Variants in RAB8B observed in about 807,000 individuals in gnomAD.
The protein encoded by RAB8B is RAB8B, member RAS oncogene family.
Under a neutral mutation model 32.0 loss-of-function variants are expected in RAB8B, and 11 were observed. That is an observed-to-expected ratio of 0.34 (90% CI 0.22 to 0.57). The LOEUF (loss-of-function observed/expected upper bound fraction) is 0.57. Ranked by LOEUF, RAB8B falls within the 20% of genes least tolerant of loss-of-function variation. The probability of loss-of-function intolerance (pLI) is 0.86; values close to 1 mark genes in which losing one functional copy is unlikely to be tolerated. For synonymous variants in RAB8B, 103 were observed against 89.6 expected (o/e 1.15, Z -0.85); for missense variants, 190 against 258.5 (o/e 0.73, Z 1.82).
chr15:63,255,546 T>C lies in RAB8B; in HGVS notation c.286T>C (p.Phe96Leu). The change falls in exon 4 of 8, where the codon TTT (phenylalanine) becomes CTT (leucine). Residue 96 changes from phenylalanine (F) to leucine (L), a missense_variant. Phe to Leu is a conservative substitution (Grantham distance 22, BLOSUM62 0). Around this residue, in one of 2 missense-constraint regions of RAB8B, gnomAD observed 80 missense variants for 142.6 expected, o/e 0.56. Transcript: ENST00000321437. ...CTATGACATCACAAATGAAAAATCCTTTGACAATATTAAAAATTGGATCAG... is the reference window on the plus strand; with the variant it reads ...CTATGACATCACAAATGAAAAATCCCTTGACAATATTAAAAATTGGATCAG... ...LVYDITNEKS[F>L]DNIKNWIRNI... 1.2e-6 allele frequency: 2 copies of C among 1,607,392 alleles called. No homozygotes were observed. Among genetic ancestry groups the C allele is most frequent in the Non-Finnish European group, 1.7e-6 (2 of 1,173,884 alleles).
At chr15:63,251,779 A>C (rs926068552) in intron 3 of RAB8B, among the ~76,000 whole-genome samples, 1 of 152,146 alleles carries the variant, frequency 6.6e-6, no homozygotes, top group African/African-American at 2.4e-5. Context: ...TTAGACCTAG[A>C]CACCATCTTG....
At chr15:63,190,621 G>A (rs1670079001) in intron 1 of RAB8B, among the ~76,000 whole-genome samples, 1 of 152,184 alleles carries the variant, frequency 6.6e-6, no homozygotes, top group South Asian at 2.1e-4. Context: ...ACTAATGATG[G>A]AATAATGTCT....
chr15:63,261,152 C>T (rs2038200587), intron 6 of RAB8B, among the ~76,000 whole-genome samples: 2 of 152,010 alleles, frequency 1.3e-5, no homozygotes, highest in African/African-American at 4.8e-5. Flanking sequence ...AAATAAATGG[C>T]CAACAGGTAT....
intron 1 of RAB8B, among the ~76,000 whole-genome samples, chr15:63,230,338 G>A (rs2037925607): frequency 6.6e-6 from 1 of 152,156 alleles, no homozygotes; most frequent in Non-Finnish European, 1.5e-5. Context: ...TCTTGCTCTT[G>A]TCGCCCAGGC....
At chr15:63,258,550 C>CA (rs2038176571) in intron 5 of RAB8B, among the ~76,000 whole-genome samples, 1 of 152,132 alleles carries the variant, frequency 6.6e-6, no homozygotes, top group Non-Finnish European at 1.5e-5. Context: ...AAGAATTGGA[C>CA]AAAATGCACA....
intron 1 of RAB8B, among the ~76,000 whole-genome samples, chr15:63,199,347 T>C (rs1029769981): frequency 2.6e-5 from 4 of 152,234 alleles, no homozygotes; most frequent in African/African-American, 9.7e-5. Context: ...GATTTTTCTC[T>C]TACATTGTTT....
chr15:63,197,370 C>T (rs1004728660), intron 1 of RAB8B, among the ~76,000 whole-genome samples: 1,058 of 60,682 alleles, frequency 0.017, no homozygotes, highest in Middle Eastern at 0.044. Context: ...TCTTTCTTTT[C>T]TTTTTTTTTT....
intron 7 of RAB8B, among the ~76,000 whole-genome samples, chr15:63,263,198 C>A (rs1218100681): frequency 2.6e-5 from 4 of 152,174 alleles, no homozygotes; most frequent in Non-Finnish European, 4.4e-5. Flanking sequence ...ACAGAACTGT[C>A]TATGCCAGTA....
At chr15:63,226,977 T>G (rs545808553) in intron 1 of RAB8B, among the ~76,000 whole-genome samples, 5 of 152,308 alleles carry the variant, frequency 3.3e-5, no homozygotes, top group African/African-American at 1.2e-4. Context: ...CCATGACATT[T>G]GTAAACTGTC....
intron 1 of RAB8B, among the ~76,000 whole-genome samples, chr15:63,218,151 G>C (rs1214404983): frequency 6.6e-6 from 1 of 151,956 alleles, no homozygotes; most frequent in Non-Finnish European, 1.5e-5. Context: ...TGCACCAATG[G>C]GAGGTGAAGG....
intron 1 of RAB8B, among the ~76,000 whole-genome samples, chr15:63,230,947 C>G (rs1043552504): frequency 6.6e-6 from 1 of 152,158 alleles, no homozygotes; most frequent in African/African-American, 2.4e-5. Flanking sequence ...AGGTTTTTCT[C>G]TACTGCCTCT....
rs893165876 is a variant in RAB8B, at chr15:63,259,275, A to G, written c.415-352A>G. ...GCTGGGACTACAGGCGGGTGCCACC[A>G]CGCCCGGCTAATTTTTTGTATTTTT... On this transcript the variant is annotated intron_variant, in intron 5 of 7. Coordinates refer to ENST00000321437, the MANE Select transcript of RAB8B (RefSeq NM_016530.3). The surrounding 1 kb of genome is among the most constrained non-coding windows in gnomAD (Gnocchi z 4.4). 2.6e-5 allele frequency among the ~76,000 whole-genome samples: 4 copies of G among 151,714 alleles called. No individual in the cohort carries two copies. The highest frequency in any genetic ancestry group is 5.9e-5 in the Non-Finnish European group (4 of 67,886).
At chr15:63,243,735 A>T (rs1187934264) in intron 1 of RAB8B, among the ~76,000 whole-genome samples, 2 of 151,820 alleles carry the variant, frequency 1.3e-5, no homozygotes, top group Non-Finnish European at 2.9e-5. Flanking sequence ...TTTTTTCAAC[A>T]TTTCTCAGTC....
intron 1 of RAB8B, among the ~76,000 whole-genome samples, chr15:63,217,866 A>G (rs1595738545): frequency 6.6e-6 from 1 of 152,354 alleles, no homozygotes; most frequent in South Asian, 2.1e-4. Flanking sequence ...TTATTCTTCT[A>G]GTGGCAAGAT....
At chr15:63,245,803 A>G (rs1015223438) in intron 2 of RAB8B, among the ~76,000 whole-genome samples, 3 of 152,234 alleles carry the variant, frequency 2.0e-5, no homozygotes, top group African/African-American at 4.8e-5. Context: ...CCAAGTCTAA[A>G]CACGAAATTC....
intron 2 of RAB8B, among the ~76,000 whole-genome samples, chr15:63,245,745 AT>A (rs1365908670): frequency 1.4e-4 from 21 of 152,230 alleles, no homozygotes; most frequent in Admixed American, 1.1e-3. Flanking sequence ...ATATTCTTGG[AT>A]TTTGGAATAT....
chr15:63,214,064 G>A (rs576834458), intron 1 of RAB8B, among the ~76,000 whole-genome samples: 2 of 151,134 alleles, frequency 1.3e-5, no homozygotes, highest in African/African-American at 4.9e-5. Context: ...CTGGGTGACA[G>A]AGCGAGACTC....
chr15:63,222,605 T>C (rs1419351518), intron 1 of RAB8B, among the ~76,000 whole-genome samples: 1 of 152,208 alleles, frequency 6.6e-6, no homozygotes, highest in East Asian at 1.9e-4. Flanking sequence ...TGGCACAATC[T>C]TGGCTCACTG....
At chr15:63,196,009 G>A (rs1278530965) in intron 1 of RAB8B, among the ~76,000 whole-genome samples, 1 of 152,198 alleles carries the variant, frequency 6.6e-6, no homozygotes, top group Non-Finnish European at 1.5e-5. Context: ...AGCAGGGTGT[G>A]ATGTGGACCC....
Sources: allele counts gnomAD v4.1 joint callset (sites outside exome capture counted in the v4.1 genomes callset), GRCh38; gene constraint gnomAD v4.1.1; regional missense constraint gnomAD v4.1.1; non-coding constraint Gnocchi (gnomAD v3.1); transcripts MANE v1.5; gene names NCBI Gene and HGNC (gene_info 2026-07-23, HGNC 2026-07-21).